SLC24A4: variants seen among roughly 807,000 people sequenced by gnomAD.
SLC24A4 encodes sodium/potassium/calcium exchanger 4.
In SLC24A4, 53 loss-of-function variants were observed where a neutral mutation model predicts 79.0. The ratio of observed to expected loss-of-function variants is 0.67; its 90% CI spans 0.54 to 0.84. The LOEUF is 0.84. Among genes scored for constraint, SLC24A4 ranks in the 40% least tolerant of loss-of-function variants. The probability of loss-of-function intolerance (pLI) is 0.00; values close to 1 mark genes in which losing one functional copy is unlikely to be tolerated. For missense variants in SLC24A4, 731 were observed against 822.0 expected (o/e 0.89, Z 1.35); for synonymous variants, 323 against 323.8 (o/e 1.00, Z 0.03).
At chr14:92,412,525 G>A (rs2141795983) in intron 2 of SLC24A4, among the ~76,000 whole-genome samples, 1 of 152,252 alleles carries the variant, frequency 6.6e-6, no homozygotes, top group South Asian at 2.1e-4. Context: ...GTCCTCCTGG[G>A]CACAGGGTGT....
rs1423455739 is a variant in SLC24A4 at position 92,495,904 on chromosome 14, C to T, written c.*2276C>T. The T allele has an allele frequency of 6.6e-6, 1 of 152,234 alleles. No individual in the cohort carries two copies. Among genetic ancestry groups the T allele is most frequent in the East Asian group, 1.9e-4 (1 of 5,196 alleles). The allele number at this position is 152,234 out of a possible 1,614,324, so 9.4% of individuals were successfully genotyped here. A position where few individuals can be genotyped will look rare whatever the true frequency, so the allele number is the denominator to read the frequency against. On this transcript the variant is annotated 3_prime_UTR_variant, in exon 17 of 17. Transcript: ENST00000532405. ...GGTTCCTCAGGTCATTTCCTAATAT[C>T]TGTCCCTATCCAATGCCTCTATTTT...
chr14:92,484,498 C>T (rs1161250477), intron 13 of SLC24A4: 3 of 985,214 alleles, frequency 3.0e-6, no homozygotes, highest in Non-Finnish European at 3.6e-6. Flanking sequence ...CTGGTACCGG[C>T]TTAGAGCTCT....
At chr14:92,386,869 G>A (rs61975640) in intron 2 of SLC24A4, among the ~76,000 whole-genome samples, 11,482 of 152,268 alleles carry the variant, frequency 0.075, 505 homozygotes, top group Non-Finnish European at 0.086. Flanking sequence ...GAAATTGCAG[G>A]TGGTGAAATT....
intron 2 of SLC24A4, among the ~76,000 whole-genome samples, chr14:92,343,697 C>CTTCA (rs1483088800): frequency 6.1e-4 from 84 of 138,578 alleles, no homozygotes; most frequent in African/African-American, 2.2e-3. Flanking sequence ...TCCTTCCTTC[C>CTTCA]TTCCTTTCTT....
At chr14:92,343,642 C>CTTTCTTTCTTTCTT in intron 2 of SLC24A4, among the ~76,000 whole-genome samples, 1 of 46,346 alleles carries the variant, frequency 2.2e-5, no homozygotes, top group East Asian at 6.7e-4. Flanking sequence ...CTTTCTTTCT[C>CTTTCTTTCTTTCTT]TCTTTCCTTC....
At chr14:92,370,291 C>A (rs1888081079) in intron 2 of SLC24A4, among the ~76,000 whole-genome samples, 1 of 152,182 alleles carries the variant, frequency 6.6e-6, no homozygotes, top group Non-Finnish European at 1.5e-5. Context: ...GATGCCTGAA[C>A]CTGCCACACA....
intron 2 of SLC24A4, among the ~76,000 whole-genome samples, chr14:92,378,306 T>A (rs78939301): frequency 0.027 from 4,067 of 152,280 alleles, 101 homozygotes; most frequent in African/African-American, 0.068. Flanking sequence ...TTCATGAGAA[T>A]AGAATTGCTG....
At chr14:92,397,096 G>A (rs1818485289) in intron 2 of SLC24A4, among the ~76,000 whole-genome samples, 1 of 152,192 alleles carries the variant, frequency 6.6e-6, no homozygotes, top group African/African-American at 2.4e-5. Context: ...GTATAAAGAA[G>A]CATTGTGTAG....
intron 12 of SLC24A4, among the ~76,000 whole-genome samples, chr14:92,472,504 G>A (rs769194030): frequency 5.3e-5 from 8 of 152,060 alleles, no homozygotes; most frequent in Non-Finnish European, 1.0e-4. Flanking sequence ...ACGATGTTTG[G>A]TTTTCCGTTC....
chr14:92,455,410 A>G (rs990048555), intron 11 of SLC24A4, among the ~76,000 whole-genome samples: 1 of 152,252 alleles, frequency 6.6e-6, no homozygotes, highest in African/African-American at 2.4e-5. Context: ...ATATAATAGA[A>G]TACTACACAG....
intron 2 of SLC24A4, among the ~76,000 whole-genome samples, chr14:92,380,143 C>T (rs905374958): frequency 2.0e-5 from 3 of 152,340 alleles, no homozygotes; most frequent in East Asian, 1.9e-4. Flanking sequence ...GAAGCAAAAA[C>T]GGGGTGCTCT....
chr14:92,487,968 C>T (rs1895462893), intron 14 of SLC24A4, among the ~76,000 whole-genome samples: 1 of 146,228 alleles, frequency 6.8e-6, no homozygotes, highest in Non-Finnish European at 1.5e-5. Context: ...TGTCGACTTC[C>T]TCCTCCTGCT....
rs550296589 is a variant in SLC24A4 at position 92,330,745 on chromosome 14, G to A, written c.241+4767G>A. On this transcript the variant is annotated intron_variant, in intron 2 of 16. Transcript: ENST00000532405. ...GTGCTCAGAGTGGCAGAGAGAGACA[G>A]CACACAGTCTCTCTTTCTCCTCTTA... 1.4e-4 allele frequency among the ~76,000 whole-genome samples: 21 copies of A among 152,308 alleles called. No homozygotes were observed. In the East Asian group the frequency reaches 3.7e-3, roughly 27 times the overall value.
chr14:92,492,467 C>T (rs960799418), intron 16 of SLC24A4, among the ~76,000 whole-genome samples: 3 of 152,090 alleles, frequency 2.0e-5, no homozygotes, highest in South Asian at 2.1e-4. Flanking sequence ...CCAGAGGAAG[C>T]GAATTGCATT....
At chr14:92,358,838 C>T (rs1375546249) in intron 2 of SLC24A4, among the ~76,000 whole-genome samples, 1 of 151,960 alleles carries the variant, frequency 6.6e-6, no homozygotes, top group Non-Finnish European at 1.5e-5. Context: ...GTGCTCACCA[C>T]CACGTCATTT....
At chr14:92,428,341 G>A (rs8010710) in intron 2 of SLC24A4, among the ~76,000 whole-genome samples, 108,209 of 152,020 alleles carry the variant, frequency 0.71, 38,784 homozygotes, top group East Asian at 0.94. Context: ...GCTGCAAGGG[G>A]GCCAAGCTCC....
intron 12 of SLC24A4, among the ~76,000 whole-genome samples, chr14:92,472,477 C>T (rs1894492333): frequency 6.6e-6 from 1 of 152,188 alleles, no homozygotes; most frequent in South Asian, 2.1e-4. Context: ...TTAGCTCCCA[C>T]TTATGAGTGA....
At chr14:92,430,872 T>C (rs1486181697) in intron 2 of SLC24A4, among the ~76,000 whole-genome samples, 1 of 152,170 alleles carries the variant, frequency 6.6e-6, no homozygotes, top group African/African-American at 2.4e-5. Flanking sequence ...AAAAGCCGTG[T>C]GTATGTTCCC....
chr14:92,408,166 AGTGTGTGTGTGTGTGT>A lies in SLC24A4; in HGVS notation c.242-25725_242-25710del, dbSNP rs143375295. Among the ~76,000 whole-genome samples, 5 of 136,826 alleles carry A rather than the reference AGTGTGTGTGTGTGTGT, an allele frequency of 3.7e-5. No individual in the cohort carries two copies. The Admixed American group carries it at 3.7e-4, about 10-fold the overall frequency. 89.8% of individuals were successfully genotyped at this position (136,826 alleles called of 152,430 possible). On this transcript the variant is annotated intron_variant, in intron 2 of 16. Transcript: ENST00000532405. ...TTATATGTATGCTTGTTGCTACAGC[AGTGTGTGTGTGTGTGT>A]GTGTGTGTGTGTGTGTGTGTTTCAC... is the stretch of plus-strand genomic sequence containing the variant.
Sources: gnomAD v4.1 joint callset for allele counts (sites outside exome capture counted in the v4.1 genomes callset) on GRCh38, gnomAD v4.1.1 for gene constraint, MANE v1.5 for transcripts, NCBI Gene and HGNC (gene_info 2026-07-23, HGNC 2026-07-21) for gene names.